Variants in CAMK1D observed in about 807,000 individuals in gnomAD.
The protein encoded by CAMK1D is calcium/calmodulin-dependent protein kinase type 1D.
In CAMK1D, 9 loss-of-function variants were observed where a neutral mutation model predicts 47.7. The observed-to-expected ratio is 0.19, with a 90% CI of 0.11 to 0.33. The LOEUF is 0.33. Among genes scored for constraint, CAMK1D ranks in the 10% least tolerant of loss-of-function variants. CAMK1D has a pLI of 1.00. For synonymous variants in CAMK1D, 184 were observed against 184.9 expected (o/e 0.99, Z 0.04); for missense variants, 291 against 488.7 (o/e 0.60, Z 3.81).
chr10:12,559,046 G>A (rs1427618268), intron 2 of CAMK1D, among the ~76,000 whole-genome samples: 3 of 151,924 alleles, frequency 2.0e-5, no homozygotes, highest in Non-Finnish European at 4.4e-5. Context: ...AGTGGCTTAT[G>A]CTTGTAATTG....
intron 2 of CAMK1D, among the ~76,000 whole-genome samples, chr10:12,634,666 C>T (rs549149361): frequency 1.3e-5 from 2 of 152,276 alleles, no homozygotes; most frequent in Non-Finnish European, 1.5e-5. Flanking sequence ...CTTCCACTCC[C>T]GGGCTGAGTG....
intron 1 of CAMK1D, among the ~76,000 whole-genome samples, chr10:12,407,399 A>C (rs955522589): frequency 6.6e-6 from 1 of 152,180 alleles, no homozygotes; most frequent in Non-Finnish European, 1.5e-5. Flanking sequence ...CCCTACCTCA[A>C]GCTAGAAGTT....
chr10:12,567,531 T>C (rs965890172), intron 2 of CAMK1D, among the ~76,000 whole-genome samples: 1 of 152,224 alleles, frequency 6.6e-6, no homozygotes, highest in South Asian at 2.1e-4. Context: ...CTCATTTCTC[T>C]ACAGGTGTAC....
intron 3 of CAMK1D, among the ~76,000 whole-genome samples, chr10:12,759,654 T>C (rs1478916471): frequency 1.3e-5 from 2 of 152,226 alleles, no homozygotes; most frequent in East Asian, 3.8e-4. Context: ...GAGCACCTTT[T>C]CTTTCTTACC....
At position 12,726,885 on chromosome 10, in the gene CAMK1D, C is replaced by T. The variant is rs919339324; in HGVS notation, c.300-34063C>T. Among the ~76,000 whole-genome samples the T allele has an allele frequency of 6.6e-5, 10 of 152,346 alleles. No homozygotes were observed. In the South Asian group the frequency reaches 1.0e-3, roughly 16 times the overall value. ...ATTTAAAAAATGCTTTGCACGTGTT[C>T]GTGCATCCAGGTGAGAATTCATTTG... On this transcript the variant is annotated intron_variant, in intron 3 of 10. Coordinates refer to ENST00000619168, the MANE Select transcript of CAMK1D (RefSeq NM_153498.4).
chr10:12,469,699 A>G (rs372310185), intron 1 of CAMK1D, among the ~76,000 whole-genome samples: 1 of 152,232 alleles, frequency 6.6e-6, no homozygotes, highest in Non-Finnish European at 1.5e-5. Flanking sequence ...TAAGAATCCA[A>G]TTTTAAAATG....
intron 1 of CAMK1D, among the ~76,000 whole-genome samples, chr10:12,427,717 T>TTTTTTTC (rs1840297021): frequency 8.3e-6 from 1 of 120,458 alleles, no homozygotes; most frequent in Non-Finnish European, 1.8e-5. Context: ...TTTTTTTTTT[T>TTTTTTTC]TTTTTTTTGA....
intron 4 of CAMK1D, among the ~76,000 whole-genome samples, chr10:12,762,381 A>G (rs1371366387): frequency 6.6e-6 from 1 of 152,222 alleles, no homozygotes; most frequent in African/African-American, 2.4e-5. Context: ...ACACCTGGCT[A>G]TTACCTGCTA....
intron 1 of CAMK1D, among the ~76,000 whole-genome samples, chr10:12,486,636 A>G (rs1301305704): frequency 6.6e-6 from 1 of 152,200 alleles, no homozygotes; most frequent in Non-Finnish European, 1.5e-5. Context: ...AGCCCAGCCA[A>G]AATGCCAGCT....
chr10:12,442,337 C>T (rs991522033), intron 1 of CAMK1D, among the ~76,000 whole-genome samples: 3 of 152,084 alleles, frequency 2.0e-5, no homozygotes, highest in African/African-American at 7.2e-5. Context: ...AAAAATTAGC[C>T]AGATGTGGTG....
chr10:12,744,816 G>C (rs563621946), intron 3 of CAMK1D, among the ~76,000 whole-genome samples: 4 of 151,876 alleles, frequency 2.6e-5, no homozygotes, highest in Middle Eastern at 6.4e-3. Context: ...GAGAAGGATC[G>C]CTTGAACCCA....
chr10:12,679,781 C>G (rs995880927), intron 3 of CAMK1D, among the ~76,000 whole-genome samples: 3 of 152,170 alleles, frequency 2.0e-5, no homozygotes, highest in Admixed American at 2.0e-4. Context: ...CCGACCCAGG[C>G]TTCTGAATAC....
intron 1 of CAMK1D, among the ~76,000 whole-genome samples, chr10:12,522,900 C>T (rs1407424780): frequency 3.2e-5 from 3 of 93,156 alleles, no homozygotes; most frequent in African/African-American, 8.3e-5. Context: ...CCGGACGGGG[C>T]GGCTGGCCGG....
intron 6 of CAMK1D, among the ~76,000 whole-genome samples, chr10:12,794,752 A>G (rs1929385): frequency 0.033 from 5,053 of 152,196 alleles, 281 homozygotes; most frequent in African/African-American, 0.12. Flanking sequence ...CCCAAGCAGA[A>G]AATGAATGGA....
chr10:12,648,979 G>C (rs187829352), intron 2 of CAMK1D, among the ~76,000 whole-genome samples: 1 of 152,192 alleles, frequency 6.6e-6, no homozygotes, highest in East Asian at 1.9e-4. Flanking sequence ...GTCATCCACC[G>C]CCTCAGCCTT....
intron 3 of CAMK1D, among the ~76,000 whole-genome samples, chr10:12,737,866 TATA>T (rs1320604585): frequency 1.3e-5 from 2 of 152,232 alleles, no homozygotes; most frequent in Non-Finnish European, 2.9e-5. Flanking sequence ...ATTCCAGTTG[TATA>T]ATATGAGACT....
At chr10:12,665,742 T>G (rs993240420) in intron 2 of CAMK1D, among the ~76,000 whole-genome samples, 1 of 152,256 alleles carries the variant, frequency 6.6e-6, no homozygotes, top group Non-Finnish European at 1.5e-5. Flanking sequence ...TTCGGCTGTT[T>G]CCTTCTGCCC....
chr10:12,522,189 TCCTTTTTTTTTC>T (rs1017194291), intron 1 of CAMK1D, among the ~76,000 whole-genome samples: 5 of 139,992 alleles, frequency 3.6e-5, no homozygotes, highest in African/African-American at 1.3e-4. Context: ...ATGATATATT[TCCTTTTTTTTTC>T]TTTTTTTTTT....
chr10:12,570,366 C>G (rs1205635848), intron 2 of CAMK1D, among the ~76,000 whole-genome samples: 1 of 151,630 alleles, frequency 6.6e-6, no homozygotes, highest in African/African-American at 2.4e-5. Context: ...TTTTTTCCTC[C>G]TCTTCATTTA....
Sources: allele counts gnomAD v4.1 joint callset (sites outside exome capture counted in the v4.1 genomes callset), GRCh38; gene constraint gnomAD v4.1.1; transcripts MANE v1.5; gene names NCBI Gene and HGNC (gene_info 2026-07-23, HGNC 2026-07-21).